GALM: variants seen among roughly 807,000 people sequenced by gnomAD.
GALM encodes the protein galactose mutarotase.
In GALM, 43 loss-of-function variants were observed where a neutral mutation model predicts 37.4. The ratio of observed to expected loss-of-function variants is 1.15; its 90% CI spans 0.90 to 1.48. The LOEUF (loss-of-function observed/expected upper bound fraction) is 1.48. GALM is among the 40% of genes most tolerant of loss of function. GALM has a pLI of 0.00. For missense variants in GALM, 456 were observed against 419.1 expected (o/e 1.09, Z -0.77); for synonymous variants, 199 against 170.6 (o/e 1.17, Z -1.30).
intron 6 of GALM, among the ~76,000 whole-genome samples, chr2:38,732,950 G>A (rs1356411316): frequency 6.6e-6 from 1 of 150,620 alleles, no homozygotes; most frequent in Non-Finnish European, 1.5e-5. Context: ...GCCAGGTGCG[G>A]TGGCTCACAC....
rs1280965197 is a variant in GALM, at chr2:38,722,076, C to T, written c.635-7480C>T. 4.9e-5 allele frequency among the ~76,000 whole-genome samples: 6 copies of T among 123,558 alleles called. No individual in the cohort carries two copies. In the East Asian group the frequency reaches 1.2e-3, roughly 24 times the overall value. 81.1% of individuals were successfully genotyped at this position (123,558 alleles called of 152,430 possible). A position where few individuals can be genotyped will look rare whatever the true frequency, so the allele number is the denominator to read the frequency against. On this transcript the variant is annotated intron_variant, in intron 4 of 6. Transcript: ENST00000272252. ...CCACCTAGAACAGAAGCGCATCATG[C>T]GGGCCGGGTGAGGCGGCTCATGCCT...
rs555299397 is a variant in GALM, at chr2:38,726,387, C to T, written c.635-3169C>T. On this transcript the variant is annotated intron_variant, in intron 4 of 6. Coordinates refer to ENST00000272252, the MANE Select transcript of GALM (RefSeq NM_138801.3). ...GACTACAGGCGCCCGCCACTACGCCCGGCTAATTTTTTGTATTTTTAGTAG... is the reference window on the plus strand; with the variant it reads ...GACTACAGGCGCCCGCCACTACGCCTGGCTAATTTTTTGTATTTTTAGTAG... 2.0e-5 allele frequency among the ~76,000 whole-genome samples: 3 copies of T among 151,164 alleles called. No individual in the cohort carries two copies. The East Asian group carries it at 6.1e-4, about 31-fold the overall frequency.
chr2:38,700,381 T>C (rs2148442412), intron 4 of GALM, among the ~76,000 whole-genome samples: 1 of 152,324 alleles, frequency 6.6e-6, no homozygotes, highest in Non-Finnish European at 1.5e-5. Context: ...GATCTAATAA[T>C]ATTTGCTTTA....
chr2:38,686,779 G>A (rs1665548978), intron 3 of GALM, among the ~76,000 whole-genome samples: 2 of 152,182 alleles, frequency 1.3e-5, no homozygotes, highest in African/African-American at 4.8e-5. Context: ...GCATACTTCT[G>A]TTTCTAAGGA....
In GALM at chr2:38,729,550, C is replaced by A; in HGVS notation, c.635-6C>A. 6.2e-7 allele frequency: 1 copy of A among 1,612,144 alleles called. No homozygotes were observed. Among genetic ancestry groups the A allele is most frequent in the South Asian group, 1.1e-5 (1 of 90,878 alleles). On this transcript the variant is annotated splice_region_variant and splice_polypyrimidine_tract_variant and intron_variant, in intron 4 of 6. Coordinates refer to ENST00000272252, the MANE Select transcript of GALM (RefSeq NM_138801.3). ...ATCACCTTTGTTTTCTGTCTCTTCCCATCAGGAGAAGTTGCCCCAGTGCAA... is the reference window on the plus strand; with the variant it reads ...ATCACCTTTGTTTTCTGTCTCTTCCAATCAGGAGAAGTTGCCCCAGTGCAA...
At chr2:38,708,088 C>G (rs997993363) in intron 4 of GALM, among the ~76,000 whole-genome samples, 4 of 140,118 alleles carry the variant, frequency 2.9e-5, no homozygotes, top group African/African-American at 7.6e-5. Context: ...GCATGGGCAA[C>G]AGAGTGAGAA....
chr2:38,667,601 G>T (rs1664981402), intron 1 of GALM, among the ~76,000 whole-genome samples: 1 of 149,836 alleles, frequency 6.7e-6, no homozygotes, highest in African/African-American at 2.5e-5. Flanking sequence ...AATTCCTCAG[G>T]GAAAAAAACA....
rs1186974316 is a variant in GALM at position 38,731,899 on chromosome 2, C to T, written c.941C>T (p.Ala314Val). The change falls in exon 6 of 7, where the codon GCA (alanine) becomes GTA (valine). Residue 314 changes from alanine to valine, a missense_variant. Ala to Val is a moderately conservative substitution (Grantham distance 64). Transcript: ENST00000272252. ...FCLETQNWPD[A>V]VNQPRFPPVL... ...CTGGAGACTCAGAACTGGCCTGATGCAGTCAATCAGGTAATGCCACAGGCT... is the reference window on the plus strand; with the variant it reads ...CTGGAGACTCAGAACTGGCCTGATGTAGTCAATCAGGTAATGCCACAGGCT... The T allele has an allele frequency of 1.2e-6, 2 of 1,613,742 alleles. No individual in the cohort carries two copies. The highest frequency in any genetic ancestry group is 1.3e-5 in the African/African-American group (1 of 74,912).
rs70954749 is a variant in GALM, at chr2:38,734,383, C to CAAA, written c.*836_*838dup. On this transcript the variant is annotated 3_prime_UTR_variant, in exon 7 of 7. Coordinates refer to ENST00000272252, the MANE Select transcript of GALM (RefSeq NM_138801.3). ...TGGGCAACAGAGCAAAACTCGATCT[C>CAAA]AAAAAAAAAAAAAAAAAAAAGGAAA... The CAAA allele has an allele frequency of 5.8e-4, 47 of 81,052 alleles. No homozygotes were observed. Among genetic ancestry groups the CAAA allele is most frequent in the African/African-American group, 1.2e-3 (22 of 18,750 alleles). The allele number at this position is 81,052 out of a possible 1,614,324, so 5.0% of individuals were successfully genotyped here. A position where few individuals can be genotyped will look rare whatever the true frequency, so the allele number is the denominator to read the frequency against.
At chr2:38,723,891 G>C (rs1666430712) in intron 4 of GALM, among the ~76,000 whole-genome samples, 1 of 152,094 alleles carries the variant, frequency 6.6e-6, no homozygotes, top group Non-Finnish European at 1.5e-5. Context: ...GACCACCTAG[G>C]CTGTGTGTGC....
intron 4 of GALM, among the ~76,000 whole-genome samples, chr2:38,706,665 C>T (rs1391242518): frequency 6.6e-6 from 1 of 151,578 alleles, no homozygotes; most frequent in African/African-American, 2.4e-5. Flanking sequence ...GATTCTGTTT[C>T]AGAAACAAAG....
chr2:38,724,049 G>A (rs1369098504), intron 4 of GALM, among the ~76,000 whole-genome samples: 2 of 152,052 alleles, frequency 1.3e-5, no homozygotes, highest in Non-Finnish European at 2.9e-5. Context: ...CTCCAGAGTA[G>A]CTGGGACTAC....
At chr2:38,672,469 G>A (rs960247411) in intron 1 of GALM, among the ~76,000 whole-genome samples, 1 of 152,098 alleles carries the variant, frequency 6.6e-6, no homozygotes, top group Non-Finnish European at 1.5e-5. Context: ...GAATAGGAGA[G>A]AGAGAGATCA....
At chr2:38,697,516 T>C (rs1182264298) in intron 4 of GALM, among the ~76,000 whole-genome samples, 2 of 152,266 alleles carry the variant, frequency 1.3e-5, no homozygotes, top group Non-Finnish European at 2.9e-5. Context: ...GAAATACTGA[T>C]GCATATCTAA....
At position 38,681,499 on chromosome 2, in the gene GALM, G is replaced by A; in HGVS notation, c.552+13G>A. ...CCTGGCAGGCCAGGTAAGTGAACTT[G>A]TTTCTTCTTTCCTGCTTCGTGCTTT... On this transcript the variant is annotated intron_variant, in intron 3 of 6. Transcript: ENST00000272252. 1.0e-5 allele frequency: 16 copies of A among 1,604,914 alleles called. No individual in the cohort carries two copies. Among genetic ancestry groups the A allele is most frequent in the Non-Finnish European group, 1.3e-5 (15 of 1,171,732 alleles).
intron 4 of GALM, among the ~76,000 whole-genome samples, chr2:38,716,232 T>G (rs1339964139): frequency 1.3e-5 from 2 of 152,260 alleles, no homozygotes; most frequent in Non-Finnish European, 2.9e-5. Context: ...TTTGCTCAGA[T>G]TAAGACCAGC....
In GALM at chr2:38,683,066, A is replaced by T. The variant is rs112459993; in HGVS notation, c.552+1580A>T. On this transcript the variant is annotated intron_variant, in intron 3 of 6. Coordinates refer to ENST00000272252, the MANE Select transcript of GALM (RefSeq NM_138801.3). ...ACTCGGTGATAATTCTGTTTTTTAC[A>T]TTTTTTGCATACTTAGGACATCCTA... Among the ~76,000 whole-genome samples the T allele has an allele frequency of 7.3e-3, 1,107 of 152,234 alleles. 14 individuals carry two copies. The highest frequency in any genetic ancestry group is 0.026 in the African/African-American group (1,063 of 41,524).
At chr2:38,706,809 A>C (rs1206060460) in intron 4 of GALM, among the ~76,000 whole-genome samples, 1 of 142,606 alleles carries the variant, frequency 7.0e-6, no homozygotes. Flanking sequence ...CAGGAGGAAC[A>C]CTTGAATCTA....
chr2:38,689,836 T>G lies in GALM; in HGVS notation c.576T>G (p.His192Gln), dbSNP rs149779665. 1.2e-6 allele frequency: 2 copies of G among 1,610,106 alleles called. No homozygotes were observed. The highest frequency in any genetic ancestry group is 3.4e-5 in the Admixed American group (2 of 59,666). Residue 192 changes from histidine to glutamine, a missense_variant, in exon 4 of 7, where the codon CAT becomes CAG. Coordinates refer to ENST00000272252, the MANE Select transcript of GALM (RefSeq NM_138801.3). Reference sequence around the variant, plus strand: ...AGGCTTCCCCAAATATAAATGACCATGAAGTCACCATAGAAGCGGATACTT... The same window carrying G: ...AGGCTTCCCCAAATATAAATGACCAGGAAGTCACCATAGAAGCGGATACTT... ...AGQASPNIND[H>Q]EVTIEADTYL...
Sources: allele counts gnomAD v4.1 joint callset (sites outside exome capture counted in the v4.1 genomes callset), GRCh38; gene constraint gnomAD v4.1.1; transcripts MANE v1.5; gene names NCBI Gene and HGNC (gene_info 2026-07-23, HGNC 2026-07-21).